The following SBF2 variants were observed in gnomAD, a reference collection of about 807,000 sequenced individuals.
The protein encoded by SBF2 is SET binding factor 2, also known as myotubularin-related protein 13.
In SBF2, 112 loss-of-function variants were observed where a neutral mutation model predicts 225.2. That is an observed-to-expected ratio of 0.50 (90% CI 0.43 to 0.58). The LOEUF (loss-of-function observed/expected upper bound fraction) is 0.58, where lower values mean the gene tolerates loss of function less well. Ranked by LOEUF, SBF2 falls within the 20% of genes least tolerant of loss-of-function variation. The probability of loss-of-function intolerance (pLI) is 0.00; values close to 1 mark genes in which losing one functional copy is unlikely to be tolerated. For missense variants in SBF2, 1,996 were observed against 2,206.2 expected, an observed-to-expected ratio of 0.90 and a Z score of 1.91; for synonymous variants, 763 against 773.3, an observed-to-expected ratio of 0.99 and a Z score of 0.22.
At chr11:10,277,935 C>T (rs182014795) in intron 1 of SBF2, among the ~76,000 whole-genome samples, 60 of 152,248 alleles carry the variant, frequency 3.9e-4, no homozygotes, top group African/African-American at 1.2e-3. Flanking sequence ...TTTTAAATCA[C>T]GAGTTTGTAG....
chr11:10,013,033 T>C (rs890363368), intron 6 of SBF2, among the ~76,000 whole-genome samples: 2 of 152,184 alleles, frequency 1.3e-5, no homozygotes, highest in African/African-American at 2.4e-5. Context: ...AGCACGTTCA[T>C]AGTTTAGCCA....
At chr11:10,119,886 T>C (rs188401921) in intron 2 of SBF2, among the ~76,000 whole-genome samples, 1 of 152,354 alleles carries the variant, frequency 6.6e-6, no homozygotes, top group African/African-American at 2.4e-5. Context: ...TCAAATTGTA[T>C]AAATCAGAAT....
chr11:10,213,187 C>T (rs1032824323), intron 1 of SBF2, among the ~76,000 whole-genome samples: 118 of 152,256 alleles, frequency 7.8e-4, no homozygotes, highest in African/African-American at 2.7e-3. Context: ...TTAAGGATGC[C>T]AGCATTTCTC....
chr11:10,190,150 TAA>T (rs58088340), intron 2 of SBF2, among the ~76,000 whole-genome samples: 93,529 of 146,640 alleles, frequency 0.64, 31,241 homozygotes, highest in South Asian at 0.76. Flanking sequence ...AAACTCCGTC[TAA>T]AAAAAAAAAA....
intron 1 of SBF2, chr11:10,302,908 T>C (rs1964611249): frequency 6.6e-6 from 1 of 152,208 alleles, no homozygotes; most frequent in Admixed American, 6.5e-5. Context: ...CGCCTAGCTG[T>C]CCTTGACCTC....
intron 2 of SBF2, among the ~76,000 whole-genome samples, chr11:10,081,621 G>A (rs770043118): frequency 1.2e-4 from 18 of 151,876 alleles, no homozygotes; most frequent in Admixed American, 2.6e-4. Flanking sequence ...TTAGCCAGGC[G>A]TGGTGACACG....
At chr11:10,085,687 G>A (rs1951538485) in intron 2 of SBF2, among the ~76,000 whole-genome samples, 1 of 152,078 alleles carries the variant, frequency 6.6e-6, no homozygotes, top group African/African-American at 2.4e-5. Context: ...TCTTCTGGCT[G>A]TAATTTTTAG....
chr11:9,906,033 T>C (rs12361732), intron 16 of SBF2, among the ~76,000 whole-genome samples: 14,972 of 152,218 alleles, frequency 0.098, 1,011 homozygotes, highest in Middle Eastern at 0.17. Context: ...GGATTATATA[T>C]AATAATCCCA....
intron 2 of SBF2, among the ~76,000 whole-genome samples, chr11:10,176,391 T>G (rs1466284582): frequency 1.3e-5 from 2 of 151,872 alleles, no homozygotes; most frequent in African/African-American, 4.8e-5. Context: ...AAAAAATTAA[T>G]GCATCCAGGA....
intron 1 of SBF2, among the ~76,000 whole-genome samples, chr11:10,285,878 C>T (rs544318302): frequency 1.8e-4 from 28 of 152,158 alleles, no homozygotes; most frequent in Non-Finnish European, 2.2e-4. Flanking sequence ...AAAAAGAGCA[C>T]AAATTTGATC....
intron 2 of SBF2, among the ~76,000 whole-genome samples, chr11:10,098,163 T>C (rs892585433): frequency 5.3e-5 from 8 of 151,956 alleles, no homozygotes; most frequent in African/African-American, 1.9e-4. Context: ...CTGCAGACAA[T>C]ACATACAAGC....
intron 2 of SBF2, among the ~76,000 whole-genome samples, chr11:10,165,671 T>C (rs1210638601): frequency 6.6e-6 from 1 of 152,166 alleles, no homozygotes; most frequent in Non-Finnish European, 1.5e-5. Context: ...ATCTAAAATC[T>C]CACCCTTAGT....
intron 2 of SBF2, among the ~76,000 whole-genome samples, chr11:10,146,197 G>A (rs933347618): frequency 6.6e-6 from 1 of 151,970 alleles, no homozygotes; most frequent in Non-Finnish European, 1.5e-5. Context: ...TATCAATGAC[G>A]TTCTTCAAAA....
chr11:9,882,547 G>A (rs1323030649), intron 17 of SBF2, among the ~76,000 whole-genome samples: 19 of 152,258 alleles, frequency 1.2e-4, no homozygotes, highest in South Asian at 6.2e-4. Flanking sequence ...GGTGGCTCAT[G>A]TCTGTAATCC....
At chr11:9,978,080 G>A (rs1248650783) in intron 13 of SBF2, among the ~76,000 whole-genome samples, 1 of 151,944 alleles carries the variant, frequency 6.6e-6, no homozygotes, top group African/African-American at 2.4e-5. Context: ...TTATCAAAAG[G>A]GAATTTTAGA....
chr11:10,279,593 T>C (rs1317581701), intron 1 of SBF2, among the ~76,000 whole-genome samples: 2 of 152,180 alleles, frequency 1.3e-5, no homozygotes, highest in African/African-American at 4.8e-5. Context: ...AGTTCTATTA[T>C]ATGCCTACGT....
At chr11:10,133,288 C>A (rs1055009171) in intron 2 of SBF2, among the ~76,000 whole-genome samples, 3 of 149,634 alleles carry the variant, frequency 2.0e-5, no homozygotes, top group Admixed American at 6.8e-5. Flanking sequence ...GCCTGCCAGT[C>A]CTGCGCCGTG....
chr11:10,054,896 T>G (rs77984664), intron 2 of SBF2, among the ~76,000 whole-genome samples: 9 of 43,514 alleles, frequency 2.1e-4, no homozygotes, highest in East Asian at 7.3e-4. Context: ...TGTTTGCATG[T>G]TTTTTTTTTG....
At chr11:9,993,775 A>G in intron 10 of SBF2, 146 bp downstream of exon 10, 2 of 783,998 alleles carry the variant, frequency 2.6e-6, no homozygotes, top group Non-Finnish European at 4.0e-6. Flanking sequence ...AAGGACAGTC[A>G]GCGGCAAGTA....
Sources: gnomAD v4.1 joint callset for allele counts (sites outside exome capture counted in the v4.1 genomes callset) on GRCh38, gnomAD v4.1.1 for gene constraint, MANE v1.5 for transcripts, NCBI Gene and HGNC (gene_info 2026-07-23, HGNC 2026-07-21) for gene names.